STK32B: variants seen among roughly 807,000 people sequenced by gnomAD.
STK32B encodes serine/threonine kinase 32B, also known as serine/threonine-protein kinase 32B.
In STK32B, 43 loss-of-function variants were observed where a neutral mutation model predicts 52.6. That is an observed-to-expected ratio of 0.82 (90% confidence interval 0.64 to 1.05). STK32B has a LOEUF of 1.05. STK32B is among the 50% of genes least tolerant of loss of function. STK32B has a pLI of 0.00. For synonymous variants in STK32B, 238 were observed against 204.3 expected (o/e 1.17, Z -1.41); for missense variants, 621 against 534.6 (o/e 1.16, Z -1.59).
At chr4:5,464,084 G>C (rs992465792) in intron 9 of STK32B, among the ~76,000 whole-genome samples, 1 of 152,136 alleles carries the variant, frequency 6.6e-6, no homozygotes, top group Non-Finnish European at 1.5e-5. Context: ...GGTGTGTCAC[G>C]TGGCAGGAGC....
At chr4:5,114,673 A>C (rs1217167581) in intron 1 of STK32B, among the ~76,000 whole-genome samples, 3 of 152,210 alleles carry the variant, frequency 2.0e-5, no homozygotes, top group Non-Finnish European at 4.4e-5. Flanking sequence ...ACTTTTGTTC[A>C]GTTCAGATCT....
intron 1 of STK32B, among the ~76,000 whole-genome samples, chr4:5,057,448 T>C (rs1742048753): frequency 6.6e-6 from 1 of 152,178 alleles, no homozygotes; most frequent in Non-Finnish European, 1.5e-5. Context: ...TTCTGACTCT[T>C]GCATAGTGTG....
Position 5,058,798 on chromosome 4 carries a change from T to C in STK32B, c.52+6883T>C, listed in dbSNP as rs985990414. ...GAATCTCTCTCTCTGTCTCCCAGGA[T>C]GGAGTGCAGTGGCGTGGTATCAGCT... On this transcript the variant is annotated intron_variant, in intron 1 of 11. Coordinates refer to ENST00000282908, the MANE Select transcript of STK32B (RefSeq NM_018401.3). The surrounding 1 kb of genome is among the most constrained non-coding windows in gnomAD (Gnocchi z 4.8). 2.6e-5 allele frequency among the ~76,000 whole-genome samples: 4 copies of C among 152,162 alleles called. No homozygotes were observed. The highest frequency in any genetic ancestry group is 9.6e-5 in the African/African-American group (4 of 41,456).
In STK32B at chr4:5,460,431, A is replaced by AT. The variant is rs1716943206; in HGVS notation, c.909+203_909+204insT. 6.6e-6 allele frequency among the ~76,000 whole-genome samples: 1 copy of AT among 152,192 alleles called. No individual in the cohort carries two copies. The highest frequency in any genetic ancestry group is 1.9e-4 in the East Asian group (1 of 5,192). On this transcript the variant is annotated intron_variant, in intron 9 of 11. Coordinates refer to ENST00000282908, the MANE Select transcript of STK32B (RefSeq NM_018401.3). This position sits in a 1 kb window ranked among gnomAD's most constrained non-coding sequence, Gnocchi z 4.8. ...GCCGTACAGCTTCCCTCCTTGTGGT[A>AT]GGTCCTTTGGGGGTGCCAAGCCTTC...
intron 3 of STK32B, among the ~76,000 whole-genome samples, chr4:5,219,342 G>A (rs1027982965): frequency 3.3e-5 from 5 of 152,220 alleles, no homozygotes; most frequent in African/African-American, 1.2e-4. Flanking sequence ...TCCTGTAGAG[G>A]AACCCAGCAA....
intron 4 of STK32B, among the ~76,000 whole-genome samples, chr4:5,347,130 C>T (rs1251769778): frequency 6.6e-6 from 1 of 152,194 alleles, no homozygotes; most frequent in East Asian, 1.9e-4. Context: ...GACACAGAGC[C>T]AAACCATATC....
intron 1 of STK32B, among the ~76,000 whole-genome samples, chr4:5,115,652 G>A (rs1190681663): frequency 1.3e-5 from 2 of 151,164 alleles, no homozygotes; most frequent in Non-Finnish European, 2.9e-5. Context: ...CCTGACCCCA[G>A]CCCAGGGAGG....
chr4:5,390,733 A>G (rs994265519), intron 4 of STK32B, among the ~76,000 whole-genome samples: 1 of 152,146 alleles, frequency 6.6e-6, no homozygotes, highest in South Asian at 2.1e-4. Flanking sequence ...GCTTTAATCA[A>G]CAGAAGTGTA....
chr4:5,122,202 A>G (rs1240821258), intron 1 of STK32B, among the ~76,000 whole-genome samples: 1 of 152,088 alleles, frequency 6.6e-6, no homozygotes, highest in Non-Finnish European at 1.5e-5. Context: ...TCATTCACTC[A>G]TTCTTTTACT....
intron 6 of STK32B, among the ~76,000 whole-genome samples, chr4:5,427,849 G>T (rs1244301000): frequency 6.6e-6 from 1 of 151,646 alleles, no homozygotes; most frequent in Non-Finnish European, 1.5e-5. Context: ...TAAAGAACCA[G>T]TTTTTGCTTT....
chr4:5,495,185 C>T (rs1465821039), intron 11 of STK32B, among the ~76,000 whole-genome samples: 1 of 152,166 alleles, frequency 6.6e-6, no homozygotes, highest in Non-Finnish European at 1.5e-5. Context: ...CAACTTGGTT[C>T]CGTTTTCCCT....
At chr4:5,457,212 CTTTTTTTTTTT>C (rs1230307057) in intron 8 of STK32B, among the ~76,000 whole-genome samples, 11 of 114,938 alleles carry the variant, frequency 9.6e-5, no homozygotes. Context: ...TTTTTTTTTT[CTTTTTTTTTTT>C]TTTTTTTTAA....
intron 5 of STK32B, among the ~76,000 whole-genome samples, chr4:5,407,342 TC>T (rs1488806829): frequency 1.3e-5 from 2 of 152,130 alleles, no homozygotes; most frequent in African/African-American, 4.8e-5. Context: ...TCCCTCATCT[TC>T]CTGTCTTCAT....
chr4:5,261,373 G>C (rs561147676), intron 3 of STK32B, among the ~76,000 whole-genome samples: 38 of 152,326 alleles, frequency 2.5e-4, no homozygotes, highest in African/African-American at 8.7e-4. Context: ...AGCAATACCT[G>C]TTAGGAAGCT....
chr4:5,445,082 T>G (rs936691888), intron 6 of STK32B, among the ~76,000 whole-genome samples: 12 of 152,234 alleles, frequency 7.9e-5, no homozygotes, highest in Admixed American at 7.2e-4. Context: ...GTGTGACCTC[T>G]TCATACTGCT....
chr4:5,277,293 T>C (rs1413050435), intron 3 of STK32B, among the ~76,000 whole-genome samples: 1 of 152,220 alleles, frequency 6.6e-6, no homozygotes, highest in African/African-American at 2.4e-5. Flanking sequence ...CATAACTCAC[T>C]CTTTCTTTTC....
intron 3 of STK32B, among the ~76,000 whole-genome samples, chr4:5,296,813 T>A (rs566519889): frequency 6.6e-6 from 1 of 152,362 alleles, no homozygotes; most frequent in East Asian, 1.9e-4. Context: ...ATTATGATGC[T>A]AGCTGGTTAT....
chr4:5,128,083 C>T (rs112243297), intron 1 of STK32B, among the ~76,000 whole-genome samples: 14 of 152,108 alleles, frequency 9.2e-5, no homozygotes, highest in African/African-American at 2.7e-4. Context: ...TTATTAGCAG[C>T]GTGAAAACAG....
At chr4:5,160,723 GA>G (rs1355109109) in intron 2 of STK32B, among the ~76,000 whole-genome samples, 2 of 152,252 alleles carry the variant, frequency 1.3e-5, no homozygotes, top group African/African-American at 4.8e-5. Context: ...GAACGTAAGA[GA>G]AAAATCCCTG....
Sources: allele counts gnomAD v4.1 joint callset (sites outside exome capture counted in the v4.1 genomes callset), GRCh38; gene constraint gnomAD v4.1.1; non-coding constraint Gnocchi (gnomAD v3.1); transcripts MANE v1.5; gene names NCBI Gene and HGNC (gene_info 2026-07-23, HGNC 2026-07-21).